Variants in MYOF observed in about 807,000 individuals in gnomAD.
MYOF encodes fer-1-like 3, myoferlin.
MYOF carries 244 observed loss-of-function variants against 284.2 expected under a neutral mutation model. The ratio of observed to expected loss-of-function variants is 0.86; its 90% CI spans 0.77 to 0.95. MYOF has a LOEUF of 0.95. MYOF is among the 40% of genes least tolerant of loss of function. MYOF has a pLI of 0.00. For missense variants in MYOF, 2,496 were observed against 2,560.6 expected, an observed-to-expected ratio of 0.97 and a Z score of 0.54; for synonymous variants, 904 against 919.7, an observed-to-expected ratio of 0.98 and a Z score of 0.31.
chr10:93,315,509 G>T (rs1380536314), intron 50 of MYOF, among the ~76,000 whole-genome samples: 1 of 152,136 alleles, frequency 6.6e-6, no homozygotes, highest in East Asian at 1.9e-4. Context: ...TGCTAAATAA[G>T]TTCCTGAGGA....
intron 40 of MYOF, chr10:93,337,607 A>T: frequency 2.0e-6 from 1 of 503,352 alleles, no homozygotes; most frequent in Non-Finnish European, 3.5e-6. Flanking sequence ...GCAGTCACGT[A>T]ACCATAACTC....
At chr10:93,362,549 C>T (rs970650471) in intron 27 of MYOF, among the ~76,000 whole-genome samples, 2 of 152,200 alleles carry the variant, frequency 1.3e-5, no homozygotes, top group South Asian at 4.2e-4. Flanking sequence ...CCGGCAGACA[C>T]ATGTTTTTGA....
At chr10:93,337,777 T>A (rs751199662) in intron 40 of MYOF, 38 bp downstream of exon 40, 9 of 1,555,216 alleles carry the variant, frequency 5.8e-6, no homozygotes, top group East Asian at 4.5e-5. Context: ...TTTCAAAGGA[T>A]GTTGATTCTC....
chr10:93,333,186 T>C (rs1843415822), intron 43 of MYOF, 35 bp downstream of exon 43: 2 of 1,552,008 alleles, frequency 1.3e-6, no homozygotes, highest in Non-Finnish European at 1.8e-6. Context: ...CGTGGAGAAA[T>C]GAAGGCCAGA....
At chr10:93,350,776 T>G (rs372901556) in intron 35 of MYOF, among the ~76,000 whole-genome samples, 19 of 152,200 alleles carry the variant, frequency 1.2e-4, no homozygotes, top group African/African-American at 4.6e-4. Flanking sequence ...AGACACTGTC[T>G]ATCAAGCCAC....
intron 51 of MYOF, among the ~76,000 whole-genome samples, chr10:93,311,716 G>T (rs974366707): frequency 2.0e-5 from 3 of 152,194 alleles, no homozygotes; most frequent in African/African-American, 7.2e-5. Context: ...AATTTGGGAA[G>T]CCCTGGCCCT....
At position 93,349,798 on chromosome 10, in the gene MYOF, G is replaced by C. The variant is rs373721381; in HGVS notation, c.4083+10C>G. On this transcript the variant is annotated intron_variant, in intron 36 of 53. Transcript: ENST00000359263. ...CGCGCATGGGTGATCACAGAGAATC[G>C]ATACTGTACCACTTTCATGAAGAGA... 3 of 1,613,352 alleles carry C rather than the reference G, an allele frequency of 1.9e-6. No individual in the cohort carries two copies. The highest frequency in any genetic ancestry group is 1.3e-5 in the African/African-American group (1 of 74,860).
chr10:93,373,852 C>T (rs1244007377), intron 23 of MYOF, among the ~76,000 whole-genome samples: 1 of 152,162 alleles, frequency 6.6e-6, no homozygotes, highest in African/African-American at 2.4e-5. Context: ...CTGTGCTAAG[C>T]CCTTTACACC....
chr10:93,442,039 C>CAGAG (rs1215431298), intron 3 of MYOF, among the ~76,000 whole-genome samples: 83 of 114,948 alleles, frequency 7.2e-4, no homozygotes, highest in Admixed American at 3.6e-3. Context: ...CACACACACA[C>CAGAG]ACAGAATAAA....
At chr10:93,434,667 T>A (rs1321338219) in intron 3 of MYOF, among the ~76,000 whole-genome samples, 1 of 151,546 alleles carries the variant, frequency 6.6e-6, no homozygotes. Context: ...ATTGTTATTA[T>A]TTTTTTCTCA....
rs1157075075 is a variant in MYOF at position 93,361,657 on chromosome 10, A to C, written c.2869-100T>G. On this transcript the variant is annotated intron_variant, in intron 27 of 53. Transcript: ENST00000359263. ...TTCCTCATTTAACTATGGCATTCAC[A>C]CCTTTACTTAGATACCATCTTAGAG... 1.1e-5 allele frequency: 11 copies of C among 984,942 alleles called. No individual in the cohort carries two copies. The East Asian group carries it at 2.2e-4, about 20-fold the overall frequency. 61.0% of individuals were successfully genotyped at this position (984,942 alleles called of 1,614,324 possible).
At chr10:93,470,407 G>GT (rs1287189662) in intron 1 of MYOF, among the ~76,000 whole-genome samples, 1 of 151,380 alleles carries the variant, frequency 6.6e-6, no homozygotes, top group Non-Finnish European at 1.5e-5. Context: ...TTGTTTTTTT[G>GT]TTTTTTGTTT....
chr10:93,408,759 C>A (rs1415625662), intron 7 of MYOF, 28 bp downstream of exon 7: 1 of 1,613,448 alleles, frequency 6.2e-7, no homozygotes, highest in East Asian at 2.2e-5. Context: ...GACTCATGAG[C>A]AGAAACATGC....
chr10:93,376,144 CTG>C (rs1256430652), intron 22 of MYOF, among the ~76,000 whole-genome samples: 1 of 152,188 alleles, frequency 6.6e-6, no homozygotes, highest in Non-Finnish European at 1.5e-5. Context: ...AAATAGATGA[CTG>C]TGGTTTGCTC....
At chr10:93,337,672 G>T in intron 40 of MYOF, 143 bp downstream of exon 40, 2 of 631,950 alleles carry the variant, frequency 3.2e-6, no homozygotes, top group East Asian at 2.8e-5. Context: ...CATGCAAGAG[G>T]GCTCTCCGGG....
At chr10:93,329,960 T>A (rs929777530) in intron 43 of MYOF, 126 bp from the exon 44 acceptor site, 7 of 932,288 alleles carry the variant, frequency 7.5e-6, no homozygotes. Flanking sequence ...CTGAGCAGGA[T>A]AACCAGGGTG....
At chr10:93,318,836 G>A (rs749465861) in intron 49 of MYOF, among the ~76,000 whole-genome samples, 2 of 152,164 alleles carry the variant, frequency 1.3e-5, no homozygotes, top group Non-Finnish European at 2.9e-5. Flanking sequence ...TGCGACACAG[G>A]GCTGGTGGCT....
chr10:93,408,999 C>A, intron 6 of MYOF, 84 bp from the exon 7 acceptor site: 1 of 1,581,288 alleles, frequency 6.3e-7, no homozygotes, highest in South Asian at 1.2e-5. Flanking sequence ...TCATTTCCTT[C>A]ACCTATTAGG....
chr10:93,462,095 C>CTTT (rs11378680), intron 1 of MYOF, among the ~76,000 whole-genome samples: 20 of 145,378 alleles, frequency 1.4e-4, no homozygotes, highest in African/African-American at 4.3e-4. Context: ...AGCCCCCCAC[C>CTTT]TTTTTTTTTT....
Sources: allele counts gnomAD v4.1 joint callset (sites outside exome capture counted in the v4.1 genomes callset), GRCh38; gene constraint gnomAD v4.1.1; transcripts MANE v1.5; gene names NCBI Gene and HGNC (gene_info 2026-07-23, HGNC 2026-07-21).